Variants in CLASP1 observed in about 807,000 individuals in gnomAD.
CLASP1 encodes CLIP-associating protein 1.
Under a neutral mutation model 192.3 loss-of-function variants are expected in CLASP1, and 38 were observed. The observed-to-expected ratio is 0.20, with a 90% CI of 0.15 to 0.26. The LOEUF (loss-of-function observed/expected upper bound fraction) is 0.26. Among genes scored for constraint, CLASP1 ranks in the 10% least tolerant of loss-of-function variants. The pLI is 1.00. For synonymous variants in CLASP1, 691 were observed against 712.8 expected, an observed-to-expected ratio of 0.97 and a Z score of 0.49; for missense variants, 1,433 against 1,932.5, an observed-to-expected ratio of 0.74 and a Z score of 4.85.
chr2:121,342,257 G>C (rs2062871435), intron 39 of CLASP1, among the ~76,000 whole-genome samples: 1 of 152,034 alleles, frequency 6.6e-6, no homozygotes, highest in Non-Finnish European at 1.5e-5. Context: ...GACTAGCTGG[G>C]ACCAGAGGTG....
At chr2:121,348,488 G>A in intron 38 of CLASP1, 24 bp downstream of exon 39, 2 of 1,585,136 alleles carry the variant, frequency 1.3e-6, no homozygotes, top group South Asian at 2.3e-5. Flanking sequence ...GCCGGGGGCA[G>A]GCCCCACCAA....
chr2:121,372,972 G>A (rs764922195), intron 34 of CLASP1, among the ~76,000 whole-genome samples: 6 of 152,044 alleles, frequency 3.9e-5, no homozygotes, highest in Non-Finnish European at 8.8e-5. Context: ...CCTCCTACTC[G>A]ACCTAACAAA....
chr2:121,547,098 G>C (rs992708676), intron 2 of CLASP1, among the ~76,000 whole-genome samples: 1 of 152,182 alleles, frequency 6.6e-6, no homozygotes, highest in African/African-American at 2.4e-5. Context: ...TATTGCAGCA[G>C]CCCTACAGAA....
In CLASP1 at chr2:121,464,876, C is replaced by T. The variant is rs555034606; in HGVS notation, c.866-2271G>A. ...AGATCCCATTTGTCAATTTTGGCTT[C>T]TGTTGCCATTGCTTTTGGTGTTTTA... On this transcript the variant is annotated intron_variant, in intron 9 of 39. Transcript: ENST00000263710. Among the ~76,000 whole-genome samples the T allele has an allele frequency of 1.5e-4, 23 of 152,200 alleles. 1 individual carries two copies. Among genetic ancestry groups the T allele is most frequent in the African/African-American group, 5.3e-4 (22 of 41,544 alleles).
rs1174900512 is a variant in CLASP1, at chr2:121,524,228, T to C, written c.546+1617A>G. ...TTTTCTGCTCTGCTAGAGCACTCCA[T>C]GTGGCGGCAGCGAAACCCCCAGAGT... is the stretch of plus-strand genomic sequence containing the variant. On this transcript the variant is annotated intron_variant, in intron 6 of 39. Coordinates refer to ENST00000263710, the Ensembl canonical transcript of CLASP1. Among the ~76,000 whole-genome samples the C allele has an allele frequency of 2.0e-5, 3 of 152,118 alleles. No homozygotes were observed. The East Asian group carries it at 5.8e-4, about 29-fold the overall frequency.
At chr2:121,449,238 T>C (rs1310528311) in intron 16 of CLASP1, 118 bp from the exon 17 acceptor site, 3 of 786,252 alleles carry the variant, frequency 3.8e-6, no homozygotes, top group Non-Finnish European at 6.0e-6. Flanking sequence ...TAGCCGCTAA[T>C]AGTAGCAGGA....
chr2:121,424,521 A>C (rs1460805341), intron 22 of CLASP1, among the ~76,000 whole-genome samples: 2 of 152,240 alleles, frequency 1.3e-5, no homozygotes, highest in Non-Finnish European at 2.9e-5. Flanking sequence ...TAGCGTATGA[A>C]TTAGATTTTA....
At chr2:121,422,760 TAAG>T (rs778336316) in intron 22 of CLASP1, among the ~76,000 whole-genome samples, 6 of 152,072 alleles carry the variant, frequency 3.9e-5, no homozygotes, top group Non-Finnish European at 8.8e-5. Context: ...AAAATTTTGT[TAAG>T]AAGTATCATT....
chr2:121,351,821 G>C (rs189669750), intron 37 of CLASP1, among the ~76,000 whole-genome samples: 65 of 152,306 alleles, frequency 4.3e-4, no homozygotes, highest in African/African-American at 1.4e-3. Context: ...GTGAAGGTCA[G>C]GCTCGAGGAC....
chr2:121,635,536 C>T (rs1166204731), intron 1 of CLASP1, among the ~76,000 whole-genome samples: 5 of 152,206 alleles, frequency 3.3e-5, no homozygotes, highest in South Asian at 2.1e-4. Context: ...TTTCCCTTCA[C>T]TGACATCTGG....
At chr2:121,480,938 G>A (rs891964397) in intron 8 of CLASP1, among the ~76,000 whole-genome samples, 1 of 152,226 alleles carries the variant, frequency 6.6e-6, no homozygotes, top group Non-Finnish European at 1.5e-5. Flanking sequence ...CAGAGTCAGG[G>A]GCAGTGAGAA....
At chr2:121,584,056 C>G (rs1026442323) in intron 2 of CLASP1, among the ~76,000 whole-genome samples, 1 of 152,096 alleles carries the variant, frequency 6.6e-6, no homozygotes, top group Non-Finnish European at 1.5e-5. Flanking sequence ...CACCACTCAA[C>G]CTACCAGCAC....
chr2:121,539,574 T>C (rs762376725), intron 2 of CLASP1, among the ~76,000 whole-genome samples: 19 of 152,058 alleles, frequency 1.2e-4, no homozygotes, highest in Admixed American at 3.9e-4. Flanking sequence ...GATCCCAGGA[T>C]AGAGGAAAAT....
intron 2 of CLASP1, among the ~76,000 whole-genome samples, chr2:121,598,305 G>A (rs568659251): frequency 8.5e-5 from 13 of 152,348 alleles, no homozygotes; most frequent in South Asian, 2.1e-4. Flanking sequence ...ATGATTAGCA[G>A]TAAGCTAACA....
intron 8 of CLASP1, among the ~76,000 whole-genome samples, chr2:121,472,867 T>G (rs1375442330): frequency 6.6e-6 from 1 of 152,196 alleles, no homozygotes; most frequent in Non-Finnish European, 1.5e-5. Context: ...GAGACTGAAG[T>G]ATGTCTGGAG....
intron 34 of CLASP1, among the ~76,000 whole-genome samples, chr2:121,371,129 C>T (rs1298479456): frequency 6.6e-6 from 1 of 152,122 alleles, no homozygotes; most frequent in African/African-American, 2.4e-5. Flanking sequence ...ATAGTGTTAA[C>T]ACTGGTTATC....
At chr2:121,425,162 G>A (rs999647321) in exon 22 of CLASP1, 5 of 1,611,712 alleles carry the variant, frequency 3.1e-6, no homozygotes, top group Non-Finnish European at 4.2e-6. Flanking sequence ...GTTTGGACTT[G>A]TTTCCCGGCT....
chr2:121,596,318 A>C (rs1156830171), intron 2 of CLASP1, among the ~76,000 whole-genome samples: 1 of 152,236 alleles, frequency 6.6e-6, no homozygotes, highest in East Asian at 1.9e-4. Flanking sequence ...AAACACTGCA[A>C]GGAAAACCTG....
intron 2 of CLASP1, among the ~76,000 whole-genome samples, chr2:121,570,961 A>C (rs1247380708): frequency 2.0e-5 from 3 of 151,900 alleles, no homozygotes; most frequent in Non-Finnish European, 4.4e-5. Flanking sequence ...GCCCATTAGA[A>C]TCTTCCTGCC....
Sources: allele counts gnomAD v4.1 joint callset (sites outside exome capture counted in the v4.1 genomes callset), GRCh38; gene constraint gnomAD v4.1.1; transcripts MANE v1.5; gene names NCBI Gene and HGNC (gene_info 2026-07-23, HGNC 2026-07-21).